Variants in PSME4 observed in about 807,000 individuals in gnomAD.
The protein encoded by PSME4 is proteasome activator complex subunit 4.
A neutral mutation model predicts 253.9 loss-of-function variants in PSME4; 89 were observed. The observed-to-expected ratio is 0.35, with a 90% CI of 0.30 to 0.42. The LOEUF is 0.42. Ranked by LOEUF, PSME4 falls within the 10% of genes least tolerant of loss-of-function variation. PSME4 has a pLI of 1.00. For missense variants in PSME4, 2,014 were observed against 2,195.2 expected (o/e 0.92, Z 1.65); for synonymous variants, 851 against 759.2 (o/e 1.12, Z -1.99).
intron 35 of PSME4, 134 bp from the exon 36 acceptor site, chr2:53,893,094 A>G: frequency 1.5e-6 from 1 of 651,080 alleles, no homozygotes; most frequent in Non-Finnish European, 2.4e-6. Flanking sequence ...TGCTTTAACA[A>G]TTGCGGTAAG....
chr2:53,952,973 T>C (rs552846749), intron 1 of PSME4, among the ~76,000 whole-genome samples: 2 of 152,360 alleles, frequency 1.3e-5, no homozygotes, highest in East Asian at 1.9e-4. Flanking sequence ...ACTGTATATT[T>C]AACATTAGTT....
chr2:53,895,601 C>T lies in PSME4; in HGVS notation c.3824G>A (p.Gly1275Glu). Residue 1275 changes from glycine to glutamate, a missense_variant, in exon 33 of 47, where the codon GGA (glycine) becomes GAA (glutamate). Coordinates refer to ENST00000404125, the MANE Select transcript of PSME4 (RefSeq NM_014614.3). Reference protein sequence around the residue: ...SSCFVEKTHWGYYTWPKNMVV... With the variant: ...SSCFVEKTHWEYYTWPKNMVV... ...TACTTACTTTGGCCAGGTGTAGTAT[C>T]CCCAGTGAGTTTTTTCCACAAAGCA... The T allele has an allele frequency of 6.2e-7, 1 of 1,612,056 alleles. No homozygotes were observed. Among genetic ancestry groups the T allele is most frequent in the Non-Finnish European group, 8.5e-7 (1 of 1,179,160 alleles).
At chr2:53,888,167 A>AT in intron 38 of PSME4, 178 bp from the exon 39 acceptor site, 1 of 516,518 alleles carries the variant, frequency 1.9e-6, no homozygotes, top group Non-Finnish European at 3.1e-6. Flanking sequence ...TTCCTATATC[A>AT]TTTTCTCTGT....
chr2:53,900,867 T>C (rs1189168594), intron 28 of PSME4, among the ~76,000 whole-genome samples: 2 of 152,120 alleles, frequency 1.3e-5, no homozygotes, highest in Non-Finnish European at 2.9e-5. Context: ...GGAGTATAAA[T>C]ACAGATTTGC....
At position 53,892,928 on chromosome 2, in the gene PSME4, C is replaced by T. The variant is rs1679975793; in HGVS notation, c.4071G>A (p.Leu1357=). The T allele has an allele frequency of 6.2e-7, 1 of 1,613,510 alleles. No individual in the cohort carries two copies. The highest frequency in any genetic ancestry group is 1.3e-5 in the African/African-American group (1 of 75,002). ...GTTCTAAATGGGGCTTCAGAACTGG[C>T]AGGAAGGCATCATCAAAATTCCTGA... ...GIFRNFDDAF[L]PVLKPHLEHL... The change falls in exon 36 of 47, where the codon CTG becomes CTA. Residue 1357 remains leucine, a synonymous_variant. Coordinates refer to ENST00000404125, the MANE Select transcript of PSME4 (RefSeq NM_014614.3).
At position 53,873,725 on chromosome 2, in the gene PSME4, A is replaced by C. The variant is rs149047613; in HGVS notation, c.5100+614T>G. Among the ~76,000 whole-genome samples, 738 of 151,818 alleles carry C rather than the reference A, an allele frequency of 4.9e-3. 3 individuals are homozygous for C. The highest frequency in any genetic ancestry group is 0.013 in the South Asian group (63 of 4,798). Reference sequence around the variant, plus strand: ...TATGTGTAGATTTTTAATCCCTTTGAAACTGCCATCATGCACATTCTCATG... The same window carrying C: ...TATGTGTAGATTTTTAATCCCTTTGCAACTGCCATCATGCACATTCTCATG... On this transcript the variant is annotated intron_variant, in intron 43 of 46. Transcript: ENST00000404125.
intron 39 of PSME4, 38 bp downstream of exon 39, chr2:53,887,820 G>C (rs1489381849): frequency 2.0e-6 from 3 of 1,514,966 alleles, no homozygotes; most frequent in Non-Finnish European, 1.8e-6. Flanking sequence ...AACAAACAAA[G>C]AACTCGAGAG....
chr2:53,958,725 G>C (rs1670345581), intron 1 of PSME4, among the ~76,000 whole-genome samples: 2 of 151,566 alleles, frequency 1.3e-5, no homozygotes, highest in South Asian at 4.2e-4. Flanking sequence ...CTAAAAGTAT[G>C]GTGTCAATGC....
At chr2:53,895,871 T>C in intron 32 of PSME4, 135 bp from the exon 33 acceptor site, 2 of 747,680 alleles carry the variant, frequency 2.7e-6, no homozygotes, top group Non-Finnish European at 4.1e-6. Flanking sequence ...AGATAACATA[T>C]ATATGAGCAA....
At chr2:53,877,247 CAAAAAAAAA>C (rs1204678801) in intron 41 of PSME4, among the ~76,000 whole-genome samples, 7 of 50,392 alleles carry the variant, frequency 1.4e-4, no homozygotes, top group Non-Finnish European at 3.1e-4. Context: ...CCTGCCTCTA[CAAAAAAAAA>C]AAAAAAAAAA....
chr2:53,962,258 AAGAGGAACCTCTACTTTTTAC>A (rs1160156912), intron 1 of PSME4, among the ~76,000 whole-genome samples: 1 of 152,214 alleles, frequency 6.6e-6, no homozygotes, highest in African/African-American at 2.4e-5. Context: ...AAAGTCTTTG[AAGAGGAACCTCTACTTTTTAC>A]AGGGGCGAAA....
chr2:53,928,945 C>G (rs971048066), intron 10 of PSME4, among the ~76,000 whole-genome samples: 2 of 152,088 alleles, frequency 1.3e-5, no homozygotes, highest in African/African-American at 2.4e-5. Flanking sequence ...GCAGGCAGAT[C>G]ACCTAAGGTC....
intron 1 of PSME4, among the ~76,000 whole-genome samples, chr2:53,967,609 C>A (rs1384556008): frequency 8.3e-6 from 1 of 119,780 alleles, no homozygotes; most frequent in Non-Finnish European, 1.6e-5. Flanking sequence ...GATAGTGCCA[C>A]TACACTATCT....
intron 7 of PSME4, among the ~76,000 whole-genome samples, chr2:53,935,841 G>A (rs772579848): frequency 6.6e-6 from 1 of 151,474 alleles, no homozygotes; most frequent in Non-Finnish European, 1.5e-5. Flanking sequence ...TAGAAAAAAC[G>A]TTTCTCCTTT....
chr2:53,888,845 G>C (rs1222753029), intron 37 of PSME4, 33 bp from the exon 38 acceptor site: 1 of 1,463,004 alleles, frequency 6.8e-7, no homozygotes, highest in Non-Finnish European at 9.6e-7. Context: ...CAGTTCAACA[G>C]AGAACCTACA....
intron 20 of PSME4, among the ~76,000 whole-genome samples, chr2:53,918,437 T>A (rs1335308294): frequency 1.3e-5 from 2 of 152,166 alleles, no homozygotes; most frequent in Non-Finnish European, 2.9e-5. Flanking sequence ...CCCTGCAACC[T>A]CTGCCTCCTG....
intron 4 of PSME4, among the ~76,000 whole-genome samples, chr2:53,938,692 T>C (rs776133424): frequency 6.6e-6 from 1 of 152,186 alleles, no homozygotes; most frequent in Non-Finnish European, 1.5e-5. Context: ...AATAGACTTA[T>C]AGGCTTGGCC....
rs561726638 is a variant in PSME4, at chr2:53,903,072, T to C, written c.3075+953A>G. On this transcript the variant is annotated intron_variant, in intron 27 of 46. Coordinates refer to ENST00000404125, the MANE Select transcript of PSME4 (RefSeq NM_014614.3). The stretch of plus-strand genomic sequence containing the variant: ...TCACTCAGCTCTTCTATTTGGCTTC[T>C]AAAGGAGTTTCTCAACATATGCCCC... Among the ~76,000 whole-genome samples the C allele has an allele frequency of 5.3e-5, 8 of 152,314 alleles. No individual in the cohort carries two copies. In the South Asian group the frequency reaches 1.7e-3, roughly 32 times the overall value.
chr2:53,908,243 C>A, intron 24 of PSME4, 77 bp downstream of exon 24: 1 of 1,158,864 alleles, frequency 8.6e-7, no homozygotes, highest in Non-Finnish European at 1.2e-6. Context: ...CTTCTATATG[C>A]TGAATAATAC....
Sources: gnomAD v4.1 joint callset for allele counts (sites outside exome capture counted in the v4.1 genomes callset) on GRCh38, gnomAD v4.1.1 for gene constraint, MANE v1.5 for transcripts, NCBI Gene and HGNC (gene_info 2026-07-23, HGNC 2026-07-21) for gene names.